NFX1: variants seen among roughly 807,000 people sequenced by gnomAD.
NFX1 encodes transcriptional repressor NF-X1.
In NFX1, 69 loss-of-function variants were observed where a neutral mutation model predicts 137.2. That is an observed-to-expected ratio of 0.50 (90% confidence interval 0.41 to 0.61). The LOEUF is 0.61. NFX1 is among the 20% of genes least tolerant of loss of function. The pLI is 0.00. For missense variants in NFX1, 1,167 were observed against 1,391.0 expected, an observed-to-expected ratio of 0.84 and a Z score of 2.56; for synonymous variants, 495 against 474.1, an observed-to-expected ratio of 1.04 and a Z score of -0.57.
intron 9 of NFX1, among the ~76,000 whole-genome samples, chr9:33,325,004 C>G (rs1822528051): frequency 6.6e-6 from 1 of 151,538 alleles, no homozygotes; most frequent in Admixed American, 6.6e-5. Flanking sequence ...ATGAACAAAG[C>G]CTCAGAAATG....
chr9:33,348,247 G>A (rs1427298784), intron 15 of NFX1: 2 of 152,114 alleles, frequency 1.3e-5, no homozygotes, highest in African/African-American at 2.4e-5. Context: ...CTTTACTTGG[G>A]AGGCTGAGGC....
intron 10 of NFX1, among the ~76,000 whole-genome samples, chr9:33,331,031 TG>T (rs1226241813): frequency 6.6e-6 from 1 of 151,730 alleles, no homozygotes; most frequent in Non-Finnish European, 1.5e-5. Flanking sequence ...CCAGGCACGG[TG>T]GTGGGCGCCT....
At chr9:33,302,348 T>G in intron 3 of NFX1, among the ~76,000 whole-genome samples, 1 of 143,660 alleles carries the variant, frequency 7.0e-6, no homozygotes, top group African/African-American at 2.6e-5. Context: ...ATTCCTTCTA[T>G]CTAACTGTAT....
At chr9:33,298,496 G>T (rs1272773632) in intron 2 of NFX1, among the ~76,000 whole-genome samples, 1 of 152,216 alleles carries the variant, frequency 6.6e-6, no homozygotes, top group Non-Finnish European at 1.5e-5. Flanking sequence ...ATCACTTAGG[G>T]TCTGGATGTG....
intron 2 of NFX1, among the ~76,000 whole-genome samples, chr9:33,298,699 G>A (rs892713191): frequency 6.6e-6 from 1 of 152,138 alleles, no homozygotes; most frequent in African/African-American, 2.4e-5. Context: ...TAGGAGGATC[G>A]CTTGAGCCCA....
chr9:33,321,998 C>T (rs1209529954), intron 9 of NFX1, among the ~76,000 whole-genome samples: 1 of 151,730 alleles, frequency 6.6e-6, no homozygotes, highest in Non-Finnish European at 1.5e-5. Context: ...GTCAGGAGTT[C>T]AGGACTAGCC....
chr9:33,358,096 GCTATA>G (rs1237292357), intron 19 of NFX1, among the ~76,000 whole-genome samples: 1 of 151,822 alleles, frequency 6.6e-6, no homozygotes, highest in African/African-American at 2.4e-5. Context: ...TTTTGATGCT[GCTATA>G]GATGGGTTTA....
intron 11 of NFX1, among the ~76,000 whole-genome samples, chr9:33,334,037 C>A (rs1047454317): frequency 1.3e-5 from 2 of 152,202 alleles, no homozygotes; most frequent in Non-Finnish European, 2.9e-5. Context: ...CCCAGCTACT[C>A]AGGAGGCTGA....
chr9:33,362,084 G>T (rs1217333155), intron 19 of NFX1, among the ~76,000 whole-genome samples: 1 of 146,844 alleles, frequency 6.8e-6, no homozygotes, highest in East Asian at 2.0e-4. Flanking sequence ...TCATGCCACT[G>T]CACTCCAGCC....
At chr9:33,356,380 C>G (rs1053962702) in intron 19 of NFX1, among the ~76,000 whole-genome samples, 1 of 151,976 alleles carries the variant, frequency 6.6e-6, no homozygotes, top group African/African-American at 2.4e-5. Context: ...CCTTTGTTGG[C>G]TCTATGTATA....
intron 7 of NFX1, 137 bp downstream of exon 7, chr9:33,313,930 C>G: frequency 1.3e-6 from 1 of 789,326 alleles, no homozygotes; most frequent in Non-Finnish European, 2.0e-6. Context: ...AGATACGATG[C>G]TTAGACGGTT....
At chr9:33,339,619 A>G (rs559785891) in intron 12 of NFX1, among the ~76,000 whole-genome samples, 1 of 152,214 alleles carries the variant, frequency 6.6e-6, no homozygotes, top group Non-Finnish European at 1.5e-5. Context: ...AACTCATTTC[A>G]GCATTAACGC....
At chr9:33,299,182 A>G (rs1013593283) in intron 2 of NFX1, among the ~76,000 whole-genome samples, 1 of 152,224 alleles carries the variant, frequency 6.6e-6, no homozygotes, top group Non-Finnish European at 1.5e-5. Context: ...CTAAGAAATT[A>G]GCACTGGTAT....
At chr9:33,296,051 C>T (rs1232758719) in intron 2 of NFX1, among the ~76,000 whole-genome samples, 2 of 152,226 alleles carry the variant, frequency 1.3e-5, no homozygotes, top group African/African-American at 4.8e-5. Context: ...ATCAGCCTCC[C>T]GAGTAGCTGG....
At chr9:33,321,774 G>A (rs1822393609) in intron 9 of NFX1, among the ~76,000 whole-genome samples, 1 of 151,916 alleles carries the variant, frequency 6.6e-6, no homozygotes, top group Non-Finnish European at 1.5e-5. Context: ...AGCTACTTGG[G>A]AGGCTGAGGC....
At chr9:33,334,349 C>T (rs1156773752) in intron 11 of NFX1, among the ~76,000 whole-genome samples, 3 of 152,194 alleles carry the variant, frequency 2.0e-5, no homozygotes, top group East Asian at 3.9e-4. Context: ...CCTAGATACT[C>T]GGGAGGCTGA....
chr9:33,334,286 C>G (rs1405234478), intron 11 of NFX1, among the ~76,000 whole-genome samples: 2 of 152,138 alleles, frequency 1.3e-5, no homozygotes, highest in Non-Finnish European at 2.9e-5. Flanking sequence ...GAGGCACTGT[C>G]TTTGCAAAAG....
rs548003003 is a variant in NFX1 at position 33,309,306 on chromosome 9, G to T, written c.1377-1800G>T. Among the ~76,000 whole-genome samples, 6 of 151,804 alleles carry T rather than the reference G, an allele frequency of 4.0e-5. No individual in the cohort carries two copies. The South Asian group carries it at 1.2e-3, about 32-fold the overall frequency. On this transcript the variant is annotated intron_variant, in intron 5 of 23. Transcript: ENST00000379540. ...CGGGAGGCGGAGGTTGCAGTGAGCC[G>T]AGATCATGCCACTGCACTCCAGCCT... is the stretch of plus-strand genomic sequence containing the variant.
chr9:33,316,583 AT>A (rs1729279399), intron 7 of NFX1, among the ~76,000 whole-genome samples: 1 of 152,304 alleles, frequency 6.6e-6, no homozygotes, highest in African/African-American at 2.4e-5. Flanking sequence ...CACATTAGTT[AT>A]CTAGCAGAAT....
Sources: allele counts gnomAD v4.1 joint callset (sites outside exome capture counted in the v4.1 genomes callset), GRCh38; gene constraint gnomAD v4.1.1; transcripts MANE v1.5; gene names NCBI Gene and HGNC (gene_info 2026-07-23, HGNC 2026-07-21).